Variants in SBF2 observed in about 807,000 individuals in gnomAD.
SBF2 encodes SET binding factor 2.
SBF2 carries 112 observed loss-of-function variants against 225.2 expected under a neutral mutation model. That is an observed-to-expected ratio of 0.50 (90% confidence interval 0.43 to 0.58). The LOEUF is 0.58. Ranked by LOEUF, SBF2 falls within the 20% of genes least tolerant of loss-of-function variation. The probability of loss-of-function intolerance (pLI) is 0.00; values close to 1 mark genes in which losing one functional copy is unlikely to be tolerated. For missense variants in SBF2, 1,996 were observed against 2,206.2 expected, an observed-to-expected ratio of 0.90 and a Z score of 1.91; for synonymous variants, 763 against 773.3, an observed-to-expected ratio of 0.99 and a Z score of 0.22.
At chr11:9,976,574 C>G (rs953507976) in intron 13 of SBF2, among the ~76,000 whole-genome samples, 1 of 151,996 alleles carries the variant, frequency 6.6e-6, no homozygotes, top group South Asian at 2.1e-4. Flanking sequence ...AGCCACTGTA[C>G]TTCAGCCTGG....
At chr11:9,972,386 T>C (rs970949083) in intron 13 of SBF2, among the ~76,000 whole-genome samples, 1 of 152,204 alleles carries the variant, frequency 6.6e-6, no homozygotes, top group Non-Finnish European at 1.5e-5. Context: ...ACCATGCTTC[T>C]ATAACTAAAG....
At chr11:9,951,778 T>C (rs542674779) in intron 16 of SBF2, among the ~76,000 whole-genome samples, 3 of 152,268 alleles carry the variant, frequency 2.0e-5, no homozygotes, top group African/African-American at 4.8e-5. Flanking sequence ...GCTGACTGGA[T>C]GGTTCTTTTA....
Position 10,028,446 on chromosome 11 carries a change from A to T in SBF2, c.619+6T>A. The T allele has an allele frequency of 1.9e-6, 3 of 1,565,882 alleles. No homozygotes were observed. Among genetic ancestry groups the T allele is most frequent in the Non-Finnish European group, 2.6e-6 (3 of 1,135,916 alleles). On this transcript the variant is annotated splice_donor_region_variant and intron_variant, in intron 6 of 39. Transcript: ENST00000256190. ...GATGACATTGAAAATGGGAGAAAAG[A>T]CATACCCAATTGCTGGAACAGGAGA... is the stretch of plus-strand genomic sequence containing the variant.
chr11:9,958,580 G>A lies in SBF2; in HGVS notation c.1860+3377C>T, dbSNP rs372471488. 651 of 197,028 alleles carry A rather than the reference G, an allele frequency of 3.3e-3. 5 individuals are homozygous for A. Among genetic ancestry groups the A allele is most frequent in the African/African-American group, 0.014 (612 of 42,468 alleles). The allele number at this position is 197,028 out of a possible 1,614,324, so 12.2% of individuals were successfully genotyped here. ...TCACCGTGTTAGCCAGGATGGTCTCGATCTCCTGACCTCCTGATCCGCCCG... is the reference window on the plus strand; with the variant it reads ...TCACCGTGTTAGCCAGGATGGTCTCAATCTCCTGACCTCCTGATCCGCCCG... On this transcript the variant is annotated intron_variant, in intron 16 of 39. Coordinates refer to ENST00000256190, the MANE Select transcript of SBF2 (RefSeq NM_030962.4).
At chr11:9,796,123 C>T (rs966888952) in intron 32 of SBF2, among the ~76,000 whole-genome samples, 166 bp from the exon 33 acceptor site, 1 of 151,786 alleles carries the variant, frequency 6.6e-6, no homozygotes. Context: ...CCAGCTTTTC[C>T]GAGCACCTAC....
intron 2 of SBF2, among the ~76,000 whole-genome samples, chr11:10,082,950 C>A (rs1391632038): frequency 1.3e-5 from 2 of 152,026 alleles, no homozygotes; most frequent in Non-Finnish European, 2.9e-5. Flanking sequence ...ATGATCTCTG[C>A]CAACAATATG....
chr11:10,084,208 A>G (rs1483542591), intron 2 of SBF2, among the ~76,000 whole-genome samples: 1 of 152,204 alleles, frequency 6.6e-6, no homozygotes, highest in African/African-American at 2.4e-5. Context: ...TGCCTACATA[A>G]CAAACCTGCA....
At chr11:10,076,294 C>A (rs558402933) in intron 2 of SBF2, among the ~76,000 whole-genome samples, 1 of 152,236 alleles carries the variant, frequency 6.6e-6, no homozygotes, top group East Asian at 1.9e-4. Context: ...GCACTCCCGT[C>A]TCCAACTACT....
At chr11:9,995,683 T>G (rs1026478661) in intron 9 of SBF2, among the ~76,000 whole-genome samples, 2 of 151,436 alleles carry the variant, frequency 1.3e-5, no homozygotes, top group Admixed American at 6.6e-5. Flanking sequence ...AGAGTTTTGC[T>G]GTTGTTGTCC....
chr11:9,908,207 A>T (rs928698136), intron 16 of SBF2, among the ~76,000 whole-genome samples: 2 of 152,064 alleles, frequency 1.3e-5, no homozygotes, highest in African/African-American at 4.8e-5. Context: ...CTTGAAGAAA[A>T]TTTTTTTCTT....
intron 6 of SBF2, among the ~76,000 whole-genome samples, chr11:10,009,011 C>T (rs1028599781): frequency 6.6e-5 from 10 of 152,186 alleles, no homozygotes; most frequent in Admixed American, 3.9e-4. Context: ...ACTGTCTTTT[C>T]TCACTCATTT....
intron 17 of SBF2, among the ~76,000 whole-genome samples, chr11:9,872,011 C>G (rs1208714108): frequency 6.6e-6 from 1 of 152,264 alleles, no homozygotes. Context: ...TATAAAGATA[C>G]ATGCATGCAT....
At chr11:9,839,322 AGTAAG>A in intron 26 of SBF2, 171 bp downstream of exon 26, 1 of 681,392 alleles carries the variant, frequency 1.5e-6, no homozygotes, top group South Asian at 1.6e-5. Flanking sequence ...AGGTACTTTC[AGTAAG>A]GTAATTGTTC....
intron 2 of SBF2, among the ~76,000 whole-genome samples, chr11:10,162,534 A>G (rs187323627): frequency 6.6e-6 from 1 of 152,312 alleles, no homozygotes; most frequent in African/African-American, 2.4e-5. Context: ...AAGATATCAG[A>G]ATGCAGATAA....
At position 10,178,173 on chromosome 11, in the gene SBF2, A is replaced by G. The variant is rs879561220; in HGVS notation, c.141+15729T>C. 4.3e-3 allele frequency among the ~76,000 whole-genome samples: 627 copies of G among 147,136 alleles called. 8 individuals carry two copies. Among genetic ancestry groups the G allele is most frequent in the Admixed American group, 6.0e-3 (88 of 14,632 alleles). On this transcript the variant is annotated intron_variant, in intron 2 of 39. Transcript: ENST00000256190. ...AGCTGAAACTGGATCCCTTCCTTAC[A>G]CCTTATACAAAAATCAATTCAAGAT...
chr11:9,838,604 T>C (rs1399706260), intron 26 of SBF2: 1 of 152,214 alleles, frequency 6.6e-6, no homozygotes, highest in Non-Finnish European at 1.5e-5. Flanking sequence ...TTAATATTTG[T>C]AAACTTAAAT....
chr11:10,042,262 T>G (rs2134678590), intron 3 of SBF2, among the ~76,000 whole-genome samples: 1 of 152,284 alleles, frequency 6.6e-6, no homozygotes, highest in Admixed American at 6.5e-5. Context: ...TTTCACAAGT[T>G]GCCAAATACT....
chr11:10,037,190 AG>A, intron 3 of SBF2, among the ~76,000 whole-genome samples: 1 of 152,258 alleles, frequency 6.6e-6, no homozygotes, highest in South Asian at 2.1e-4. Flanking sequence ...CTTTGGTAAA[AG>A]ACATAATCTT....
chr11:9,958,930 G>C (rs185451663), intron 16 of SBF2: 4 of 682,686 alleles, frequency 5.9e-6, no homozygotes, highest in African/African-American at 3.6e-5. Context: ...AAAAGTCGTT[G>C]ATGTTAGAAG....
Sources: allele counts gnomAD v4.1 joint callset (sites outside exome capture counted in the v4.1 genomes callset), GRCh38; gene constraint gnomAD v4.1.1; transcripts MANE v1.5; gene names NCBI Gene and HGNC (gene_info 2026-07-23, HGNC 2026-07-21).